Variants in ELF1 observed in about 807,000 individuals in gnomAD.
ELF1 encodes ETS-related transcription factor Elf-1.
Under a neutral mutation model 59.9 loss-of-function variants are expected in ELF1, and 24 were observed. That is an observed-to-expected ratio of 0.40 (90% CI 0.29 to 0.56). ELF1 has a LOEUF of 0.56. Among genes scored for constraint, ELF1 ranks in the 20% least tolerant of loss-of-function variants. The pLI is 0.44. For synonymous variants in ELF1, 248 were observed against 266.2 expected, an observed-to-expected ratio of 0.93 and a Z score of 0.67; for missense variants, 627 against 742.2, an observed-to-expected ratio of 0.84 and a Z score of 1.80.
chr13:40,963,559 G>A (rs530196877), intron 2 of ELF1, among the ~76,000 whole-genome samples: 2 of 152,254 alleles, frequency 1.3e-5, no homozygotes, highest in East Asian at 3.9e-4. Context: ...CGTTTCCCCA[G>A]GATGCTATTA....
rs117177446 is a variant in ELF1, at chr13:40,976,859, C to A, written c.72+5124G>T. Among the ~76,000 whole-genome samples, 627 of 152,202 alleles carry A rather than the reference C, an allele frequency of 4.1e-3. 3 individuals are homozygous for A. Among genetic ancestry groups the A allele is most frequent in the South Asian group, 7.3e-3 (35 of 4,820 alleles). ...TGCACCCGGCACTGTTACTCTTTAACCTCCAGGAATTAGCAGTCGGAGGAA... is the reference window on the plus strand; with the variant it reads ...TGCACCCGGCACTGTTACTCTTTAAACTCCAGGAATTAGCAGTCGGAGGAA... On this transcript the variant is annotated intron_variant, in intron 2 of 8. Coordinates refer to ENST00000239882, the MANE Select transcript of ELF1 (RefSeq NM_172373.4).
intron 1 of ELF1, among the ~76,000 whole-genome samples, chr13:41,004,294 A>C (rs1242631780): frequency 1.3e-5 from 2 of 152,224 alleles, no homozygotes; most frequent in East Asian, 3.9e-4. Context: ...CATGTTACTT[A>C]TTTCTAAAGA....
intron 1 of ELF1, among the ~76,000 whole-genome samples, chr13:41,036,702 C>G (rs921667867): frequency 8.5e-5 from 13 of 152,216 alleles, no homozygotes; most frequent in East Asian, 1.9e-4. Flanking sequence ...TTGGAACCAA[C>G]CCAAATGTCC....
chr13:41,039,450 G>A (rs552369061), intron 1 of ELF1, among the ~76,000 whole-genome samples: 8 of 150,516 alleles, frequency 5.3e-5, no homozygotes, highest in Admixed American at 2.0e-4. Context: ...CTTAAAAAAC[G>A]AAAACTAGAA....
intron 1 of ELF1, among the ~76,000 whole-genome samples, chr13:41,041,804 G>A (rs564205997): frequency 2.6e-5 from 4 of 152,220 alleles, no homozygotes; most frequent in Admixed American, 2.6e-4. Context: ...AGTCTTAGGT[G>A]GACTCAAGAT....
chr13:41,051,849 TAC>T (rs1240899965), intron 1 of ELF1, among the ~76,000 whole-genome samples: 6 of 151,774 alleles, frequency 4.0e-5, no homozygotes, highest in Non-Finnish European at 7.4e-5. Flanking sequence ...AAAGTTTGCA[TAC>T]ACACAAAATT....
At chr13:40,942,073 G>A (rs1870208705) in intron 7 of ELF1, among the ~76,000 whole-genome samples, 1 of 152,128 alleles carries the variant, frequency 6.6e-6, no homozygotes, top group African/African-American at 2.4e-5. Context: ...GTTTAAATTT[G>A]ATTCAATAAA....
intron 1 of ELF1, among the ~76,000 whole-genome samples, chr13:41,052,137 A>C (rs1006351714): frequency 6.6e-6 from 1 of 152,062 alleles, no homozygotes; most frequent in Non-Finnish European, 1.5e-5. Context: ...ACGAGGTTTC[A>C]TCACATTGGC....
intron 1 of ELF1, among the ~76,000 whole-genome samples, chr13:41,014,589 C>A (rs556610848): frequency 5.3e-5 from 8 of 152,116 alleles, no homozygotes; most frequent in Non-Finnish European, 1.0e-4. Context: ...TTTGTAGGTT[C>A]TCCATACTAA....
At position 40,934,503 on chromosome 13, in the gene ELF1, G is replaced by A. The variant is rs183527451; in HGVS notation, c.1257-475C>T. Among the ~76,000 whole-genome samples, 415 of 137,466 alleles carry A rather than the reference G, an allele frequency of 3.0e-3. 3 individuals carry two copies. Among genetic ancestry groups the A allele is most frequent in the African/African-American group, 8.7e-3 (333 of 38,306 alleles). 90.2% of individuals were successfully genotyped at this position (137,466 alleles called of 152,430 possible). A position where few individuals can be genotyped will look rare whatever the true frequency, so the allele number is the denominator to read the frequency against. The stretch of plus-strand genomic sequence containing the variant: ...AGTGGCGTGATCTTGGCTCACTGTA[G>A]CTTCTGCCTCCTGGGTTCAAGCCAT... On this transcript the variant is annotated intron_variant, in intron 8 of 8. Transcript: ENST00000239882.
intron 1 of ELF1, among the ~76,000 whole-genome samples, chr13:41,045,700 C>G (rs1876814121): frequency 6.6e-6 from 1 of 152,102 alleles, no homozygotes; most frequent in Non-Finnish European, 1.5e-5. Flanking sequence ...TTACTTCCAA[C>G]TATGTGGTCA....
chr13:40,971,178 A>G (rs992440493), intron 2 of ELF1, among the ~76,000 whole-genome samples: 2 of 152,206 alleles, frequency 1.3e-5, no homozygotes, highest in African/African-American at 4.8e-5. Context: ...CGCTTGGATA[A>G]AAAATGTATA....
chr13:41,002,899 C>T (rs1874544746), intron 1 of ELF1, among the ~76,000 whole-genome samples: 1 of 152,084 alleles, frequency 6.6e-6, no homozygotes, highest in African/African-American at 2.4e-5. Context: ...TACTTGAAAA[C>T]AAAAGACATA....
At chr13:41,000,419 G>A (rs1219777776) in intron 1 of ELF1, among the ~76,000 whole-genome samples, 3 of 150,788 alleles carry the variant, frequency 2.0e-5, no homozygotes, top group Admixed American at 6.6e-5. Flanking sequence ...ACGGGGTTTC[G>A]CCACATTGGC....
rs375980428 is a variant in ELF1, at chr13:40,939,062, G to C, written c.1256+1859C>G. Reference sequence around the variant, plus strand: ...AAAAAACCATTCTAGGCCAGATGCAGTGGCTCACACTTATAATCCCAGCAC... The same window carrying C: ...AAAAAACCATTCTAGGCCAGATGCACTGGCTCACACTTATAATCCCAGCAC... On this transcript the variant is annotated intron_variant, in intron 8 of 8. Coordinates refer to ENST00000239882, the MANE Select transcript of ELF1 (RefSeq NM_172373.4). Among the ~76,000 whole-genome samples the C allele has an allele frequency of 8.5e-5, 13 of 152,294 alleles. No homozygotes were observed. The South Asian group carries it at 1.7e-3, about 19-fold the overall frequency.
At chr13:40,934,695 T>C (rs1387274277) in intron 8 of ELF1, among the ~76,000 whole-genome samples, 1 of 152,130 alleles carries the variant, frequency 6.6e-6, no homozygotes, top group African/African-American at 2.4e-5. Context: ...GCTGGGATTA[T>C]AGGCATGAGC....
chr13:40,941,576 A>G (rs1189503478), intron 7 of ELF1, among the ~76,000 whole-genome samples: 1 of 152,206 alleles, frequency 6.6e-6, no homozygotes, highest in Admixed American at 6.5e-5. Flanking sequence ...AACTAAATCT[A>G]AAACTAATGC....
intron 1 of ELF1, among the ~76,000 whole-genome samples, chr13:41,006,443 G>T (rs1053113959): frequency 6.6e-6 from 1 of 151,284 alleles, no homozygotes; most frequent in Non-Finnish European, 1.5e-5. Flanking sequence ...AACCCTAACT[G>T]GGGGGCAGGA....
At chr13:41,001,584 G>C (rs77046014) in intron 1 of ELF1, among the ~76,000 whole-genome samples, 3 of 152,140 alleles carry the variant, frequency 2.0e-5, no homozygotes, top group Non-Finnish European at 4.4e-5. Context: ...GACATACAAC[G>C]TGAGAGACCC....
Sources: gnomAD v4.1 joint callset for allele counts (sites outside exome capture counted in the v4.1 genomes callset) on GRCh38, gnomAD v4.1.1 for gene constraint, MANE v1.5 for transcripts, NCBI Gene and HGNC (gene_info 2026-07-23, HGNC 2026-07-21) for gene names.